The following CCDC138 variants were observed in gnomAD, a reference collection of about 807,000 sequenced individuals.
CCDC138 encodes coiled-coil domain-containing protein 138.
Under a neutral mutation model 82.3 loss-of-function variants are expected in CCDC138, and 66 were observed. The ratio of observed to expected loss-of-function variants is 0.80; its 90% CI spans 0.66 to 0.98. CCDC138 has a LOEUF of 0.98. Ranked by LOEUF, CCDC138 falls within the 50% of genes least tolerant of loss-of-function variation. The pLI is 0.00. For synonymous variants in CCDC138, 297 were observed against 265.4 expected (o/e 1.12, Z -1.16); for missense variants, 816 against 758.9 (o/e 1.08, Z -0.88).
In CCDC138 at chr2:108,873,690, A is replaced by G. The variant is rs11686550; in HGVS notation, c.1832+101A>G. ...TTTTGGCTTCCCTGGGCCACACTGGATGAAGAAGAATTGCCTTGTGCCACA... is the reference window on the plus strand; with the variant it reads ...TTTTGGCTTCCCTGGGCCACACTGGGTGAAGAAGAATTGCCTTGTGCCACA... On this transcript the variant is annotated intron_variant, in intron 14 of 14. Coordinates refer to ENST00000295124, the MANE Select transcript of CCDC138 (RefSeq NM_144978.3). 0.79 allele frequency: 567,577 copies of G among 717,814 alleles called. 230,375 individuals are homozygous for G. Among genetic ancestry groups the G allele is most frequent in the East Asian group, 0.85 (30,408 of 35,926 alleles). 44.5% of individuals were successfully genotyped at this position (717,814 alleles called of 1,614,324 possible). A position where few individuals can be genotyped will look rare whatever the true frequency, so the allele number is the denominator to read the frequency against.
At chr2:108,807,731 C>T (rs189258390) in intron 7 of CCDC138, among the ~76,000 whole-genome samples, 1 of 152,158 alleles carries the variant, frequency 6.6e-6, no homozygotes, top group African/African-American at 2.4e-5. Flanking sequence ...GATTCTCCTG[C>T]CTCAGCCTCC....
At chr2:108,811,164 C>T (rs1027959955) in intron 7 of CCDC138, among the ~76,000 whole-genome samples, 1 of 150,190 alleles carries the variant, frequency 6.7e-6, no homozygotes, top group Non-Finnish European at 1.5e-5. Flanking sequence ...CCCTACCCCC[C>T]TAACCCTGCC....
At chr2:108,791,936 G>C (rs931685386) in intron 4 of CCDC138, 134 bp downstream of exon 4, 47 of 896,510 alleles carry the variant, frequency 5.2e-5, no homozygotes, top group Non-Finnish European at 6.8e-5. Flanking sequence ...TGTAAGCTAG[G>C]AGATAGTTAC....
In CCDC138 at chr2:108,876,094, T is replaced by C. The variant is rs1253728473; in HGVS notation, c.1839T>C (p.Asn613=). 1.9e-6 allele frequency: 3 copies of C among 1,584,904 alleles called. No homozygotes were observed. The highest frequency in any genetic ancestry group is 2.6e-6 in the Non-Finnish European group (3 of 1,155,218). Residue 613 remains asparagine (N), a synonymous_variant, in exon 15 of 15, where the codon AAT becomes AAC. Coordinates refer to ENST00000295124, the MANE Select transcript of CCDC138 (RefSeq NM_144978.3). ...ILQKLSKIKS[N]KKLFELFTIH... is the part of the protein sequence containing the mutation. ...GTATTCATTTTTTTTACAGGAGTAA[T>C]AAGAAGCTCTTTGAACTTTTTACGA...
rs191066458 is a variant in CCDC138 at position 108,849,564 on chromosome 2, T to C, written c.1516+2634T>C. On this transcript the variant is annotated intron_variant, in intron 12 of 14. Coordinates refer to ENST00000295124, the MANE Select transcript of CCDC138 (RefSeq NM_144978.3). The stretch of plus-strand genomic sequence containing the variant: ...GACACGTCTCCCTGCCTTCACTCTC[T>C]AGTCTCCCTTCACACTTGTTGTGAA... Among the ~76,000 whole-genome samples, 604 of 152,226 alleles carry C rather than the reference T, an allele frequency of 4.0e-3. 4 individuals are homozygous for C. Among genetic ancestry groups the C allele is most frequent in the Admixed American group, 8.2e-3 (125 of 15,294 alleles).
At chr2:108,798,356 T>G in intron 5 of CCDC138, 72 bp from the exon 6 acceptor site, 1 of 1,531,630 alleles carries the variant, frequency 6.5e-7, no homozygotes, top group Non-Finnish European at 8.8e-7. Context: ...AACCACAGTG[T>G]CAGCCAATAG....
intron 12 of CCDC138, among the ~76,000 whole-genome samples, chr2:108,856,186 A>G (rs928398745): frequency 5.3e-5 from 8 of 152,174 alleles, no homozygotes; most frequent in Admixed American, 4.6e-4. Flanking sequence ...AGAAAGTTTC[A>G]GGGTTTCTGA....
At chr2:108,789,814 GA>G (rs1198173229) in intron 3 of CCDC138, among the ~76,000 whole-genome samples, 1 of 151,992 alleles carries the variant, frequency 6.6e-6, no homozygotes, top group Non-Finnish European at 1.5e-5. Flanking sequence ...TTACTATGGG[GA>G]AAAAATATAA....
intron 10 of CCDC138, among the ~76,000 whole-genome samples, chr2:108,824,013 T>C (rs2150102190): frequency 6.6e-6 from 1 of 152,102 alleles, no homozygotes; most frequent in South Asian, 2.1e-4. Flanking sequence ...TACACCTGAA[T>C]AGAGCACTTA....
Position 108,807,792 on chromosome 2 carries a change from A to AT in CCDC138, c.855+2789dup, listed in dbSNP as rs1006083722. The stretch of plus-strand genomic sequence containing the variant: ...ACCACCACACCTGGCTAATTTTTGT[A>AT]TTTTTAGTAGAGATGGGGTTTCACC... On this transcript the variant is annotated intron_variant, in intron 7 of 14. Coordinates refer to ENST00000295124, the MANE Select transcript of CCDC138 (RefSeq NM_144978.3). Among the ~76,000 whole-genome samples, 80 of 152,080 alleles carry AT rather than the reference A, an allele frequency of 5.3e-4. 1 individual carries two copies. The highest frequency in any genetic ancestry group is 6.8e-3 in the Middle Eastern group (2 of 294).
chr2:108,820,830 AT>A (rs1685576376), intron 10 of CCDC138, among the ~76,000 whole-genome samples: 2 of 152,202 alleles, frequency 1.3e-5, no homozygotes, highest in South Asian at 4.1e-4. Context: ...CCCTATAAAA[AT>A]TACTAAAGAG....
In CCDC138 at chr2:108,846,799, C is replaced by T. The variant is rs1356674266; in HGVS notation, c.1385C>T (p.Thr462Ile). Reference protein sequence around the residue: ...LGEDIFKGVVTKGIQDNSPQH... With the variant: ...LGEDIFKGVVIKGIQDNSPQH... ...GAAGACATTTTTAAAGGAGTGGTAACTAAAGGAATTCAGGATAATTCTCCA... is the reference window on the plus strand; with the variant it reads ...GAAGACATTTTTAAAGGAGTGGTAATTAAAGGAATTCAGGATAATTCTCCA... Residue 462 changes from threonine (T) to isoleucine (I), a missense_variant, in exon 12 of 15, where the codon ACT (threonine) becomes ATT (isoleucine). Transcript: ENST00000295124. The T allele has an allele frequency of 1.2e-6, 2 of 1,612,720 alleles. No individual in the cohort carries two copies. Among genetic ancestry groups the T allele is most frequent in the South Asian group, 2.2e-5 (2 of 90,998 alleles).
rs545583878 is a variant in CCDC138 at position 108,839,417 on chromosome 2, T to G, written c.1323+116T>G. 7.3e-6 allele frequency: 6 copies of G among 823,094 alleles called. No individual in the cohort carries two copies. In the Admixed American group the frequency reaches 1.1e-4, roughly 16 times the overall value. The allele number at this position is 823,094 out of a possible 1,614,324, so 51.0% of individuals were successfully genotyped here. A position where few individuals can be genotyped will look rare whatever the true frequency, so the allele number is the denominator to read the frequency against. ...CTCTGTATTTCAGAATAATCTTCCC[T>G]ATCTATGTCTTGCTGGGATTTTGAT... is the stretch of plus-strand genomic sequence containing the variant. On this transcript the variant is annotated intron_variant, in intron 11 of 14. Coordinates refer to ENST00000295124, the MANE Select transcript of CCDC138 (RefSeq NM_144978.3).
At chr2:108,795,779 T>C (rs991751172) in intron 5 of CCDC138, among the ~76,000 whole-genome samples, 1 of 152,130 alleles carries the variant, frequency 6.6e-6, no homozygotes, top group Non-Finnish European at 1.5e-5. Context: ...TGAAAAGCAG[T>C]GATTGTCCAA....
intron 9 of CCDC138, among the ~76,000 whole-genome samples, chr2:108,815,348 G>A (rs1337613071): frequency 6.6e-6 from 1 of 150,544 alleles, no homozygotes; most frequent in Non-Finnish European, 1.5e-5. Flanking sequence ...TTTATGAAAA[G>A]TTTTCTTTTA....
intron 12 of CCDC138, among the ~76,000 whole-genome samples, chr2:108,853,806 A>T (rs529100222): frequency 7.1e-6 from 1 of 141,466 alleles, no homozygotes; most frequent in African/African-American, 2.6e-5. Context: ...AGTTACAGGC[A>T]CCAGCCATCC....
intron 3 of CCDC138, among the ~76,000 whole-genome samples, chr2:108,789,927 G>A (rs1679621928): frequency 6.6e-6 from 1 of 152,156 alleles, no homozygotes; most frequent in Non-Finnish European, 1.5e-5. Flanking sequence ...GAAGGAGTAA[G>A]CATTTTGAAA....
chr2:108,860,935 C>CTTTGTTTTTTTTTTT (rs1693477987), intron 13 of CCDC138, among the ~76,000 whole-genome samples: 1 of 37,912 alleles, frequency 2.6e-5, no homozygotes, highest in Non-Finnish European at 4.4e-5. Context: ...TGGTCCAGGA[C>CTTTGTTTTTTTTTTT]TTTTTTTTTT....
At chr2:108,862,102 A>T (rs1249866678) in intron 13 of CCDC138, among the ~76,000 whole-genome samples, 1 of 141,832 alleles carries the variant, frequency 7.1e-6, no homozygotes, top group Non-Finnish European at 1.5e-5. Flanking sequence ...ATTTGTTGAG[A>T]CTTTCCTGAG....
Sources: allele counts gnomAD v4.1 joint callset (sites outside exome capture counted in the v4.1 genomes callset), GRCh38; gene constraint gnomAD v4.1.1; transcripts MANE v1.5; gene names NCBI Gene and HGNC (gene_info 2026-07-23, HGNC 2026-07-21).